The following SHPRH variants were observed in gnomAD, a reference collection of about 807,000 sequenced individuals.
The protein encoded by SHPRH is E3 ubiquitin-protein ligase SHPRH.
Under a neutral mutation model 202.5 loss-of-function variants are expected in SHPRH, and 106 were observed. That is an observed-to-expected ratio of 0.52 (90% confidence interval 0.45 to 0.62). SHPRH has a LOEUF of 0.62. SHPRH is among the 20% of genes least tolerant of loss of function. The probability of loss-of-function intolerance (pLI) is 0.00; values close to 1 mark genes in which losing one functional copy is unlikely to be tolerated. For synonymous variants in SHPRH, 729 were observed against 686.0 expected (o/e 1.06, Z -0.98); for missense variants, 1,710 against 2,020.0 (o/e 0.85, Z 2.94).
intron 20 of SHPRH, among the ~76,000 whole-genome samples, 162 bp from the exon 21 acceptor site, chr6:145,921,554 A>T (rs567747904): frequency 2.2e-4 from 32 of 148,812 alleles, no homozygotes; most frequent in South Asian, 1.0e-3. Flanking sequence ...TTTTTTTTTT[A>T]AATTCTATTA....
In SHPRH at chr6:145,885,938, T is replaced by C. The variant is rs1780966918; in HGVS notation, c.*753A>G. The C allele has an allele frequency of 6.6e-6, 1 of 151,936 alleles. No homozygotes were observed. The highest frequency in any genetic ancestry group is 1.9e-4 in the East Asian group (1 of 5,188). 9.4% of individuals were successfully genotyped at this position (151,936 alleles called of 1,614,324 possible). A position where few individuals can be genotyped will look rare whatever the true frequency, so the allele number is the denominator to read the frequency against. On this transcript the variant is annotated 3_prime_UTR_variant, in exon 30 of 30. Transcript: ENST00000275233. Reference sequence around the variant, plus strand: ...TTACAGATACATCAATCTTACAACATATAAAAACTTTAACAATAAGAAAAA... The same window carrying C: ...TTACAGATACATCAATCTTACAACACATAAAAACTTTAACAATAAGAAAAA...
At chr6:145,878,698 G>A (rs1313724211) in intron 2 of SHPRH, among the ~76,000 whole-genome samples, 1 of 152,144 alleles carries the variant, frequency 6.6e-6, no homozygotes, top group Non-Finnish European at 1.5e-5. Flanking sequence ...TCTACTATGA[G>A]AAAAACGCTA....
rs774103092 is a variant in SHPRH, at chr6:145,950,227, T to G, written c.982+37A>C. 16 of 1,578,224 alleles carry G rather than the reference T, an allele frequency of 1.0e-5. No homozygotes were observed. The Admixed American group carries it at 2.7e-4, about 26-fold the overall frequency. ...CTAATTGTCTCTGATGTAATCTCTC[T>G]AATCAATTGGACTTTCTTTAAACAT... is the stretch of plus-strand genomic sequence containing the variant. On this transcript the variant is annotated intron_variant, in intron 4 of 29. Transcript: ENST00000275233.
At chr6:145,865,180 T>C (rs1779722057) in intron 2 of SHPRH, among the ~76,000 whole-genome samples, 1 of 152,218 alleles carries the variant, frequency 6.6e-6, no homozygotes, top group Non-Finnish European at 1.5e-5. Context: ...TATTTCCCCA[T>C]GCAAATTCAA....
chr6:145,940,713 C>T lies in SHPRH; in HGVS notation c.2569+10G>A. On this transcript the variant is annotated intron_variant, in intron 11 of 29. Transcript: ENST00000275233. ...AAATGCATGCAATATGTGAGGAAAC[C>T]ATACATTACCCTCTAATCCTCTCTG... 6.2e-7 allele frequency: 1 copy of T among 1,612,570 alleles called. No homozygotes were observed. Among genetic ancestry groups the T allele is most frequent in the Non-Finnish European group, 8.5e-7 (1 of 1,179,036 alleles).
downstream of SHPRH, among the ~76,000 whole-genome samples, chr6:145,882,760 T>C (rs973934061): frequency 9.2e-5 from 14 of 152,166 alleles, no homozygotes; most frequent in East Asian, 1.9e-4. Context: ...ATTAGGGACA[T>C]GATGCAGTAA....
chr6:145,909,662 G>A (rs546417605), intron 25 of SHPRH: 13 of 152,008 alleles, frequency 8.6e-5, no homozygotes, highest in Non-Finnish European at 1.9e-4. Context: ...ACTTCATCTT[G>A]CTTAAGAGTC....
At chr6:145,910,353 A>C (rs1006512390) in intron 25 of SHPRH, 95 bp downstream of exon 25, 23 of 1,408,612 alleles carry the variant, frequency 1.6e-5, no homozygotes, top group Non-Finnish European at 1.3e-5. Context: ...ATTCACTGTC[A>C]AGCTTGTTCT....
At chr6:145,896,935 C>T (rs1782060895) in intron 25 of SHPRH, among the ~76,000 whole-genome samples, 1 of 151,614 alleles carries the variant, frequency 6.6e-6, no homozygotes, top group Non-Finnish European at 1.5e-5. Flanking sequence ...TAAACAACTA[C>T]ATAAAAAAAG....
At chr6:145,863,796 T>A (rs528641564), downstream of SHPRH, among the ~76,000 whole-genome samples, 1 of 152,310 alleles carries the variant, frequency 6.6e-6, no homozygotes, top group Non-Finnish European at 1.5e-5. Context: ...ACAAGCAGCA[T>A]CTTCTGGCGG....
At chr6:145,900,053 G>A (rs1374242346) in intron 25 of SHPRH, among the ~76,000 whole-genome samples, 1 of 152,090 alleles carries the variant, frequency 6.6e-6, no homozygotes, top group Non-Finnish European at 1.5e-5. Context: ...CACCATTGGT[G>A]GCAATACAAA....
At position 145,926,422 on chromosome 6, in the gene SHPRH, A is replaced by G. The variant is rs576417122; in HGVS notation, c.3202-126T>C. 143 of 847,394 alleles carry G rather than the reference A, an allele frequency of 1.7e-4. 1 individual carries two copies. Among genetic ancestry groups the G allele is most frequent in the Non-Finnish European group, 2.4e-4 (132 of 546,012 alleles). The allele number at this position is 847,394 out of a possible 1,614,324, so 52.5% of individuals were successfully genotyped here. A position where few individuals can be genotyped will look rare whatever the true frequency, so the allele number is the denominator to read the frequency against. On this transcript the variant is annotated intron_variant, in intron 15 of 29. Coordinates refer to ENST00000275233, the MANE Select transcript of SHPRH (RefSeq NM_001042683.3). ...GATCATATCACCAAATACTTTTCCT[A>G]TAAAAAAATCTGAGTACTACTACTT... is the stretch of plus-strand genomic sequence containing the variant.
intron 18 of SHPRH, 107 bp from the exon 19 acceptor site, chr6:145,922,943 C>T (rs1330676532): frequency 4.4e-6 from 5 of 1,137,108 alleles, no homozygotes; most frequent in African/African-American, 2.3e-5. Flanking sequence ...AAACTGTTTG[C>T]TGTTTTTTTT....
intron 2 of SHPRH, among the ~76,000 whole-genome samples, chr6:145,875,146 T>C (rs79846178): frequency 6.1e-4 from 93 of 152,334 alleles, no homozygotes; most frequent in African/African-American, 2.1e-3. Flanking sequence ...TCCCAAGATA[T>C]GGGATACTCA....
At position 145,885,571 on chromosome 6, in the gene SHPRH, C is replaced by T. The variant is rs1397906886; in HGVS notation, c.*1120G>A. 6.6e-6 allele frequency: 1 copy of T among 152,158 alleles called. No individual in the cohort carries two copies. Among genetic ancestry groups the T allele is most frequent in the African/African-American group, 2.4e-5 (1 of 41,444 alleles). 9.4% of individuals were successfully genotyped at this position (152,158 alleles called of 1,614,324 possible). ...CCAAATAAGAACATTTGTATTACAT[C>T]AAATGGCTAGGATGTAACAAGCTAC... On this transcript the variant is annotated 3_prime_UTR_variant, in exon 30 of 30. Coordinates refer to ENST00000275233, the MANE Select transcript of SHPRH (RefSeq NM_001042683.3).
intron 21 of SHPRH, among the ~76,000 whole-genome samples, 153 bp downstream of exon 21, chr6:145,921,014 A>G (rs1784391667): frequency 1.3e-5 from 2 of 152,092 alleles, no homozygotes; most frequent in African/African-American, 2.4e-5. Flanking sequence ...GCTATCCTTT[A>G]TTACAACAGT....
downstream of SHPRH, chr6:145,884,151 A>C (rs1780793594): frequency 6.9e-6 from 1 of 144,932 alleles, no homozygotes; most frequent in Non-Finnish European, 1.6e-5. Context: ...TGGTTTGATC[A>C]TTATTTGTAA....
rs559956607 is a variant in SHPRH, at chr6:145,912,904, T to C, written c.4326+574A>G. Among the ~76,000 whole-genome samples the C allele has an allele frequency of 1.2e-3, 188 of 152,146 alleles. 1 individual carries two copies. The highest frequency in any genetic ancestry group is 2.0e-3 in the Non-Finnish European group (136 of 67,968). ...AAGCAGAAACTTGTATTTTCATAAATTGCAGTTCTCCTAGAGGAGAATATG... is the reference window on the plus strand; with the variant it reads ...AAGCAGAAACTTGTATTTTCATAAACTGCAGTTCTCCTAGAGGAGAATATG... On this transcript the variant is annotated intron_variant, in intron 24 of 29. Transcript: ENST00000275233.
intron 2 of SHPRH, among the ~76,000 whole-genome samples, chr6:145,867,599 AATATATATATATAT>A (rs374395571): frequency 1.9e-4 from 4 of 21,594 alleles, no homozygotes; most frequent in Admixed American, 1.0e-3. Context: ...TTCAAAAAAG[AATATATATATATAT>A]ATATATATAT....
Sources: gnomAD v4.1 joint callset for allele counts (sites outside exome capture counted in the v4.1 genomes callset) on GRCh38, gnomAD v4.1.1 for gene constraint, MANE v1.5 for transcripts, NCBI Gene and HGNC (gene_info 2026-07-23, HGNC 2026-07-21) for gene names.